The following ATP6V0D2 variants were observed in gnomAD, a reference collection of about 807,000 sequenced individuals.
ATP6V0D2 encodes the protein V-type proton ATPase subunit d 2.
In ATP6V0D2, 40 loss-of-function variants were observed where a neutral mutation model predicts 40.0. That is an observed-to-expected ratio of 1.00 (90% CI 0.78 to 1.30). The LOEUF is 1.30. Among genes scored for constraint, ATP6V0D2 ranks in the 50% most tolerant of loss-of-function variants. The probability of loss-of-function intolerance (pLI) is 0.00; values close to 1 mark genes in which losing one functional copy is unlikely to be tolerated. For missense variants in ATP6V0D2, 470 were observed against 423.1 expected (o/e 1.11, Z -0.97); for synonymous variants, 179 against 156.3 (o/e 1.15, Z -1.08).
intron 5 of ATP6V0D2, among the ~76,000 whole-genome samples, chr8:86,145,253 GAGAGAA>G (rs1234981312): frequency 1.7e-3 from 78 of 45,052 alleles, no homozygotes; most frequent in Non-Finnish European, 2.4e-3. Flanking sequence ...GAGAGAGAGA[GAGAGAA>G]AGAAAGAAAG....
intron 2 of ATP6V0D2, among the ~76,000 whole-genome samples, chr8:86,125,351 T>C (rs893123401): frequency 1.3e-5 from 2 of 152,196 alleles, no homozygotes; most frequent in African/African-American, 4.8e-5. Context: ...TTTAAGAGAT[T>C]TGAGACTGTC....
At chr8:86,114,851 T>C (rs1818571641) in intron 2 of ATP6V0D2, among the ~76,000 whole-genome samples, 1 of 152,100 alleles carries the variant, frequency 6.6e-6, no homozygotes, top group Non-Finnish European at 1.5e-5. Context: ...CTGTGTGTTA[T>C]GTAGATAAAA....
chr8:86,106,833 C>T (rs1818474332), intron 1 of ATP6V0D2, among the ~76,000 whole-genome samples: 1 of 152,068 alleles, frequency 6.6e-6, no homozygotes, highest in Admixed American at 6.6e-5. Flanking sequence ...ATATTTGAGG[C>T]TCATTTATGT....
intron 3 of ATP6V0D2, among the ~76,000 whole-genome samples, chr8:86,140,859 T>C (rs1278697752): frequency 2.0e-5 from 3 of 152,124 alleles, no homozygotes; most frequent in Non-Finnish European, 4.4e-5. Context: ...TATTACACTG[T>C]AATATATAAT....
At chr8:86,102,408 A>G (rs1206216715) in intron 1 of ATP6V0D2, among the ~76,000 whole-genome samples, 2 of 152,228 alleles carry the variant, frequency 1.3e-5, no homozygotes, top group Non-Finnish European at 2.9e-5. Flanking sequence ...CATACAAACT[A>G]TGGATAAACA....
At chr8:86,149,853 G>T (rs1819119411) in intron 5 of ATP6V0D2, among the ~76,000 whole-genome samples, 1 of 152,028 alleles carries the variant, frequency 6.6e-6, no homozygotes, top group African/African-American at 2.4e-5. Flanking sequence ...TCATTGCAGG[G>T]TGCCCGGGAA....
rs115768928 is a variant in ATP6V0D2 at position 86,121,277 on chromosome 8, A to C, written c.302+7397A>C. 8.4e-4 allele frequency among the ~76,000 whole-genome samples: 128 copies of C among 152,286 alleles called. 1 individual carries two copies. The highest frequency in any genetic ancestry group is 3.0e-3 in the African/African-American group (126 of 41,566). On this transcript the variant is annotated intron_variant, in intron 2 of 7. Transcript: ENST00000285393. ...GACCTTAGAGGTTTATTACAATAAG[A>C]AATGATATATGGCCAGACACAGTGG...
intron 3 of ATP6V0D2, among the ~76,000 whole-genome samples, chr8:86,140,953 G>A (rs944638341): frequency 2.0e-5 from 3 of 152,160 alleles, no homozygotes; most frequent in African/African-American, 2.4e-5. Context: ...CCCATCTGTG[G>A]GTGATGGGAG....
chr8:86,101,349 G>A (rs919831949), intron 1 of ATP6V0D2, among the ~76,000 whole-genome samples: 3 of 150,748 alleles, frequency 2.0e-5, no homozygotes, highest in Non-Finnish European at 4.4e-5. Flanking sequence ...AGTCCCAGCT[G>A]CTTGGGAGGC....
chr8:86,111,718 G>A (rs1818529459), intron 1 of ATP6V0D2, among the ~76,000 whole-genome samples: 1 of 152,146 alleles, frequency 6.6e-6, no homozygotes, highest in African/African-American at 2.4e-5. Flanking sequence ...CCTGTACTAA[G>A]TCATCGAATG....
At position 86,150,320 on chromosome 8, in the gene ATP6V0D2, T is replaced by C. The variant is rs763861144; in HGVS notation, c.816+32T>C. On this transcript the variant is annotated intron_variant, in intron 6 of 7. Coordinates refer to ENST00000285393, the MANE Select transcript of ATP6V0D2 (RefSeq NM_152565.1). ...GATGACACTGGCTTCCCTAAGTCCTTTGTGTTCATTCATTTCCATGTGCTT... is the reference window on the plus strand; with the variant it reads ...GATGACACTGGCTTCCCTAAGTCCTCTGTGTTCATTCATTTCCATGTGCTT... 9 of 1,592,796 alleles carry C rather than the reference T, an allele frequency of 5.7e-6. No individual in the cohort carries two copies. In the Admixed American group the frequency reaches 1.5e-4, roughly 27 times the overall value.
At chr8:86,149,317 G>A (rs370776893) in intron 5 of ATP6V0D2, among the ~76,000 whole-genome samples, 274 of 152,052 alleles carry the variant, frequency 1.8e-3, no homozygotes, top group African/African-American at 6.3e-3. Context: ...GAGCTCAAAG[G>A]AATAGAAACG....
At chr8:86,110,007 C>A (rs1818511560) in intron 1 of ATP6V0D2, among the ~76,000 whole-genome samples, 1 of 152,198 alleles carries the variant, frequency 6.6e-6, no homozygotes. Flanking sequence ...GGCTTCAATT[C>A]TCACCTCCCC....
At chr8:86,145,263 A>C (rs200704498) in intron 5 of ATP6V0D2, among the ~76,000 whole-genome samples, 1 of 56,418 alleles carries the variant, frequency 1.8e-5, no homozygotes, top group South Asian at 6.3e-4. Context: ...GAGAGAAAGA[A>C]AGAAAGAAAG....
chr8:86,145,233 A>AAGAGAG (rs1181332154), intron 5 of ATP6V0D2, among the ~76,000 whole-genome samples: 5 of 38,442 alleles, frequency 1.3e-4, no homozygotes, highest in African/African-American at 2.9e-4. Flanking sequence ...GAAAGAAAGA[A>AAGAGAG]AGAGAGAGAG....
chr8:86,102,258 T>C (rs1406913485), intron 1 of ATP6V0D2, among the ~76,000 whole-genome samples: 2 of 152,212 alleles, frequency 1.3e-5, no homozygotes, highest in Non-Finnish European at 2.9e-5. Flanking sequence ...TGAACAGCAG[T>C]TCAACTGTTG....
chr8:86,112,277 A>T (rs979730767), intron 1 of ATP6V0D2, among the ~76,000 whole-genome samples: 6 of 152,366 alleles, frequency 3.9e-5, no homozygotes, highest in African/African-American at 1.2e-4. Context: ...AGAGTGAATA[A>T]TTCTGCCTGA....
At chr8:86,110,792 C>A (rs1818520382) in intron 1 of ATP6V0D2, among the ~76,000 whole-genome samples, 1 of 152,078 alleles carries the variant, frequency 6.6e-6, no homozygotes, top group South Asian at 2.1e-4. Context: ...ATGTATTAAT[C>A]AGTACATTAA....
intron 1 of ATP6V0D2, among the ~76,000 whole-genome samples, chr8:86,113,434 A>G (rs1050695724): frequency 2.0e-5 from 3 of 152,172 alleles, no homozygotes; most frequent in African/African-American, 7.2e-5. Context: ...GTGAGCTGAG[A>G]TCGCACCACG....
Sources: allele counts gnomAD v4.1 joint callset (sites outside exome capture counted in the v4.1 genomes callset), GRCh38; gene constraint gnomAD v4.1.1; transcripts MANE v1.5; gene names NCBI Gene and HGNC (gene_info 2026-07-23, HGNC 2026-07-21).